Variants in IL1RAPL2 observed in about 807,000 individuals in gnomAD.
IL1RAPL2 encodes interleukin 1 receptor accessory protein like 2.
Under a neutral mutation model 44.1 loss-of-function variants are expected in IL1RAPL2, and 3 were observed. The ratio of observed to expected loss-of-function variants is 0.07; its 90% confidence interval spans 0.03 to 0.18. The LOEUF (loss-of-function observed/expected upper bound fraction) is 0.18. Ranked by LOEUF, IL1RAPL2 falls within the 10% of genes least tolerant of loss-of-function variation. The pLI, the probability that IL1RAPL2 is intolerant of heterozygous loss-of-function variation, is 1.00. For synonymous variants in IL1RAPL2, 181 were observed against 178.8 expected (o/e 1.01, Z -0.10); for missense variants, 391 against 496.4 (o/e 0.79, Z 2.02).
chrX:105,271,968 A>T (rs2034449661), intron 5 of IL1RAPL2, among the ~76,000 whole-genome samples: 1 of 109,794 alleles, frequency 9.1e-6, no homozygotes, highest in Non-Finnish European at 1.9e-5. Context: ...CTAGATATAC[A>T]ATCATGTCGT....
In IL1RAPL2 at chrX:105,698,290, A is replaced by G. The variant is rs749403626; in HGVS notation, c.773-19077A>G. The stretch of plus-strand genomic sequence containing the variant: ...AAGCTAATGAGGCATAAGCCTTACA[A>G]ACCCCCTCCAAACCTCCTAGAGTAG... On this transcript the variant is annotated intron_variant, in intron 6 of 10. Transcript: ENST00000372582. Among the ~76,000 whole-genome samples the G allele has an allele frequency of 3.6e-5, 4 of 111,555 alleles. No homozygotes were observed. In the East Asian group the frequency reaches 8.5e-4, roughly 24 times the overall value.
chrX:104,851,634 G>A (rs73529486), intron 2 of IL1RAPL2, among the ~76,000 whole-genome samples: 2,222 of 111,763 alleles, frequency 0.02, 50 homozygotes, highest in African/African-American at 0.069. Context: ...CAGAGGTCAA[G>A]ATTTGTCTGA....
At chrX:105,216,818 T>A (rs2033862600) in intron 3 of IL1RAPL2, among the ~76,000 whole-genome samples, 1 of 111,811 alleles carries the variant, frequency 8.9e-6, no homozygotes, top group African/African-American at 3.3e-5. Flanking sequence ...AACCATCTGA[T>A]CTTCGACAAA....
chrX:104,892,325 A>G (rs1051012841), intron 2 of IL1RAPL2, among the ~76,000 whole-genome samples: 8 of 111,890 alleles, frequency 7.1e-5, no homozygotes, highest in East Asian at 5.6e-4. Flanking sequence ...GAGTTAGGGA[A>G]GATTCCCTCT....
rs150105513 is a variant in IL1RAPL2 at position 105,125,305 on chromosome X, A to G, written c.83-70170A>G. 8.3e-4 allele frequency among the ~76,000 whole-genome samples: 92 copies of G among 110,927 alleles called. 3 individuals carry two copies. In the East Asian group the frequency reaches 0.024, roughly 28 times the overall value. On this transcript the variant is annotated intron_variant, in intron 2 of 10. Coordinates refer to ENST00000372582, the MANE Select transcript of IL1RAPL2 (RefSeq NM_017416.2). The stretch of plus-strand genomic sequence containing the variant: ...CTCAATAAATGTGTGTTGAACGTAT[A>G]ATAAGGCATTAGAGCTTATACCTTG...
chrX:105,392,023 T>A (rs1165222262), intron 5 of IL1RAPL2, among the ~76,000 whole-genome samples: 16 of 101,256 alleles, frequency 1.6e-4, no homozygotes, highest in African/African-American at 5.1e-4. Flanking sequence ...AAGGGATAGC[T>A]TTAGGAGATA....
intron 6 of IL1RAPL2, among the ~76,000 whole-genome samples, chrX:105,669,085 C>A (rs1227210401): frequency 9.0e-6 from 1 of 111,656 alleles, no homozygotes; most frequent in Non-Finnish European, 1.9e-5. Flanking sequence ...TAGCAAGCTG[C>A]AGCTCACAAT....
At chrX:105,374,115 C>CAAAAAAAA (rs1177602549) in intron 5 of IL1RAPL2, among the ~76,000 whole-genome samples, 2 of 45,341 alleles carry the variant, frequency 4.4e-5, no homozygotes, top group Admixed American at 2.9e-4. Context: ...GCAAGACTGT[C>CAAAAAAAA]AAAAAAAAAA....
chrX:105,491,215 A>AT (rs926688566), intron 6 of IL1RAPL2, among the ~76,000 whole-genome samples: 4 of 109,761 alleles, frequency 3.6e-5, no homozygotes, highest in African/African-American at 9.9e-5. Flanking sequence ...TTTTATTTTT[A>AT]TTTTTTTTTA....
intron 5 of IL1RAPL2, among the ~76,000 whole-genome samples, chrX:105,431,302 G>A (rs2035845626): frequency 8.9e-6 from 1 of 112,003 alleles, no homozygotes; most frequent in Non-Finnish European, 1.9e-5. Flanking sequence ...TTCTAGCATA[G>A]GCAAGCTGGC....
intron 7 of IL1RAPL2, among the ~76,000 whole-genome samples, chrX:105,730,254 G>C (rs916085677): frequency 9.0e-6 from 1 of 110,628 alleles, no homozygotes; most frequent in African/African-American, 3.3e-5. Context: ...GTCAAAAACA[G>C]TAAAAAGAGA....
intron 2 of IL1RAPL2, among the ~76,000 whole-genome samples, chrX:104,716,075 A>G (rs1931559455): frequency 9.0e-6 from 1 of 111,720 alleles, no homozygotes; most frequent in African/African-American, 3.2e-5. Context: ...TGGTACTAGT[A>G]TAAAAACAGA....
chrX:105,218,345 G>A (rs2033886997), intron 3 of IL1RAPL2, among the ~76,000 whole-genome samples: 1 of 111,365 alleles, frequency 9.0e-6, no homozygotes, highest in African/African-American at 3.3e-5. Flanking sequence ...CCAGGGCCAA[G>A]CCTCAGCAGT....
At chrX:104,987,890 C>T (rs748853091) in intron 2 of IL1RAPL2, among the ~76,000 whole-genome samples, 5 of 111,689 alleles carry the variant, frequency 4.5e-5, no homozygotes, top group Non-Finnish European at 5.6e-5. Context: ...TCAAGTAAAG[C>T]ATGTCTGATA....
At chrX:104,956,567 G>A (rs981930589) in intron 2 of IL1RAPL2, among the ~76,000 whole-genome samples, 2 of 107,825 alleles carry the variant, frequency 1.9e-5, no homozygotes, top group African/African-American at 6.8e-5. Flanking sequence ...GAACCTGCGA[G>A]GTGGAGATTG....
chrX:104,593,545 G>C (rs1485246641), intron 1 of IL1RAPL2, among the ~76,000 whole-genome samples: 1 of 111,786 alleles, frequency 8.9e-6, no homozygotes, highest in Non-Finnish European at 1.9e-5. Context: ...TGAACTGTCT[G>C]CTTCTGGGCT....
At chrX:104,941,918 G>A (rs768440653) in intron 2 of IL1RAPL2, among the ~76,000 whole-genome samples, 3 of 111,624 alleles carry the variant, frequency 2.7e-5, no homozygotes, top group Non-Finnish European at 5.6e-5. Context: ...TTCTACATAT[G>A]GCTAGCCAGT....
intron 4 of IL1RAPL2, among the ~76,000 whole-genome samples, chrX:105,236,960 A>G (rs1416039146): frequency 9.0e-6 from 1 of 110,665 alleles, no homozygotes; most frequent in East Asian, 2.8e-4. Flanking sequence ...CTCATCATTT[A>G]CATTAGGTGT....
chrX:105,324,255 T>A (rs1228823494), intron 5 of IL1RAPL2, among the ~76,000 whole-genome samples: 2 of 110,679 alleles, frequency 1.8e-5, no homozygotes, highest in African/African-American at 6.6e-5. Flanking sequence ...GAGGAAGGCT[T>A]TAGGATGTCA....
Sources: gnomAD v4.1 joint callset for allele counts (sites outside exome capture counted in the v4.1 genomes callset) on GRCh38, gnomAD v4.1.1 for gene constraint, MANE v1.5 for transcripts, NCBI Gene and HGNC (gene_info 2026-07-23, HGNC 2026-07-21) for gene names.